ME1: variants seen among roughly 807,000 people sequenced by gnomAD.
ME1 encodes NADP-dependent malic enzyme.
Under a neutral mutation model 66.4 loss-of-function variants are expected in ME1, and 74 were observed. That is an observed-to-expected ratio of 1.11 (90% CI 0.92 to 1.35). The LOEUF (loss-of-function observed/expected upper bound fraction) is 1.35. Ranked by LOEUF, ME1 falls within the 40% of genes most tolerant of loss-of-function variation. The pLI is 0.00. For missense variants in ME1, 750 were observed against 694.1 expected (o/e 1.08, Z -0.90); for synonymous variants, 251 against 235.6 (o/e 1.07, Z -0.60).
At chr6:83,324,986 A>C (rs571822484) in intron 5 of ME1, among the ~76,000 whole-genome samples, 1 of 140,216 alleles carries the variant, frequency 7.1e-6, no homozygotes, top group East Asian at 2.0e-4. Flanking sequence ...TTGCAAACCG[A>C]ATCCAGCAGC....
chr6:83,353,447 C>T (rs990053629), intron 3 of ME1, among the ~76,000 whole-genome samples: 11 of 151,982 alleles, frequency 7.2e-5, no homozygotes, highest in South Asian at 2.1e-4. Context: ...TCCAAGGATA[C>T]GGTTGATATA....
At chr6:83,375,548 G>T (rs772695098) in intron 3 of ME1, among the ~76,000 whole-genome samples, 1 of 152,120 alleles carries the variant, frequency 6.6e-6, no homozygotes, top group Non-Finnish European at 1.5e-5. Flanking sequence ...AACAGAGACA[G>T]TTTGACTTCC....
chr6:83,357,429 A>C (rs1157526776), intron 3 of ME1, among the ~76,000 whole-genome samples: 1 of 152,176 alleles, frequency 6.6e-6, no homozygotes, highest in East Asian at 1.9e-4. Context: ...TCTATTGCAA[A>C]TATAATGTAT....
At chr6:83,232,049 G>A (rs1422643725) in intron 9 of ME1, among the ~76,000 whole-genome samples, 1 of 152,106 alleles carries the variant, frequency 6.6e-6, no homozygotes, top group African/African-American at 2.4e-5. Context: ...GGCAAAGGCT[G>A]CCAAGATTTT....
intron 6 of ME1, among the ~76,000 whole-genome samples, chr6:83,268,495 CT>C (rs1450335465): frequency 6.6e-6 from 1 of 152,072 alleles, no homozygotes; most frequent in African/African-American, 2.4e-5. Context: ...CAAAAGTTCT[CT>C]TGTGGCCCAA....
intron 9 of ME1, among the ~76,000 whole-genome samples, chr6:83,237,368 A>G (rs1271101280): frequency 1.3e-5 from 2 of 151,132 alleles, no homozygotes; most frequent in African/African-American, 4.9e-5. Context: ...AGAAAGAAAG[A>G]AAGAAAAGGA....
At chr6:83,315,003 T>C (rs1377776390) in intron 6 of ME1, among the ~76,000 whole-genome samples, 1 of 152,192 alleles carries the variant, frequency 6.6e-6, no homozygotes, top group Non-Finnish European at 1.5e-5. Flanking sequence ...TAAAAAGGTT[T>C]GCAGGTAATT....
chr6:83,241,618 T>C (rs1224845788), intron 7 of ME1, among the ~76,000 whole-genome samples: 1 of 152,166 alleles, frequency 6.6e-6, no homozygotes, highest in Non-Finnish European at 1.5e-5. Flanking sequence ...ATCAGAAAGA[T>C]ATTTTTAGCA....
chr6:83,245,114 G>A (rs1391400313), intron 7 of ME1, among the ~76,000 whole-genome samples: 2 of 151,974 alleles, frequency 1.3e-5, no homozygotes, highest in Non-Finnish European at 2.9e-5. Context: ...GAGAAGCTTA[G>A]ATAAGAAAAG....
intron 3 of ME1, among the ~76,000 whole-genome samples, chr6:83,381,926 A>T (rs1421961414): frequency 3.3e-5 from 5 of 152,000 alleles, no homozygotes; most frequent in Non-Finnish European, 5.9e-5. Context: ...CATGACCCAC[A>T]CACCCTGCAT....
At chr6:83,359,205 G>A (rs977083455) in intron 3 of ME1, among the ~76,000 whole-genome samples, 1 of 152,180 alleles carries the variant, frequency 6.6e-6, no homozygotes, top group Non-Finnish European at 1.5e-5. Context: ...CGATGCGGGA[G>A]CTGGGCAGAG....
At chr6:83,407,107 T>A (rs1769960221) in intron 2 of ME1, among the ~76,000 whole-genome samples, 1 of 151,984 alleles carries the variant, frequency 6.6e-6, no homozygotes, top group South Asian at 2.1e-4. Context: ...CTCACAACAA[T>A]CTTTTCAAAT....
chr6:83,264,805 G>A (rs776899399), intron 6 of ME1, among the ~76,000 whole-genome samples: 11 of 152,112 alleles, frequency 7.2e-5, no homozygotes, highest in Non-Finnish European at 1.2e-4. Context: ...GTGTTTTTTT[G>A]AGATGAAATT....
intron 1 of ME1, among the ~76,000 whole-genome samples, chr6:83,419,372 G>A (rs190784132): frequency 5.3e-5 from 8 of 151,900 alleles, no homozygotes; most frequent in South Asian, 2.1e-4. Flanking sequence ...ATCTGTTTTC[G>A]GTGTCTCTAT....
At chr6:83,218,421 G>A (rs539943795) in intron 12 of ME1, among the ~76,000 whole-genome samples, 4 of 152,186 alleles carry the variant, frequency 2.6e-5, no homozygotes, top group Non-Finnish European at 5.9e-5. Context: ...CCCCTCCTCA[G>A]CGTGAGCAGT....
intron 3 of ME1, among the ~76,000 whole-genome samples, chr6:83,357,935 C>CTCTCTCTCTCTCTATATATATA (rs1447805761): frequency 3.3e-5 from 1 of 30,040 alleles, no homozygotes; most frequent in Non-Finnish European, 5.9e-5. Flanking sequence ...CTCTCTCTCT[C>CTCTCTCTCTCTCTATATATATA]TATATATATA....
intron 6 of ME1, among the ~76,000 whole-genome samples, chr6:83,290,832 T>G (rs979555888): frequency 6.6e-6 from 1 of 152,238 alleles, no homozygotes; most frequent in Non-Finnish European, 1.5e-5. Context: ...ATATTTAGGA[T>G]AGTTAGCTCT....
At position 83,228,818 on chromosome 6, in the gene ME1, A is replaced by G. The variant is rs1790246625; in HGVS notation, c.1132+8T>C. 2 of 1,573,996 alleles carry G rather than the reference A, an allele frequency of 1.3e-6. No individual in the cohort carries two copies. The highest frequency in any genetic ancestry group is 1.7e-6 in the Non-Finnish European group (2 of 1,151,790). ...GGTAGGGGAGAAGGGAGAGGAGAAA[A>G]TGCTTACCTATGAGGGCAGTTGGTT... On this transcript the variant is annotated splice_region_variant and intron_variant, in intron 10 of 13. Transcript: ENST00000369705.
intron 12 of ME1, among the ~76,000 whole-genome samples, chr6:83,218,600 GA>G (rs1562449445): frequency 6.6e-6 from 1 of 152,214 alleles, no homozygotes; most frequent in Admixed American, 6.5e-5. Context: ...GGGACCTGAA[GA>G]AGTGTAAGGA....
Sources: gnomAD v4.1 joint callset for allele counts (sites outside exome capture counted in the v4.1 genomes callset) on GRCh38, gnomAD v4.1.1 for gene constraint, MANE v1.5 for transcripts, NCBI Gene and HGNC (gene_info 2026-07-23, HGNC 2026-07-21) for gene names.